The following CDH12 variants were observed in gnomAD, a reference collection of about 807,000 sequenced individuals.
CDH12 encodes cadherin 12, also known as cadherin-12.
In CDH12, 41 loss-of-function variants were observed where a neutral mutation model predicts 74.1. That is an observed-to-expected ratio of 0.55 (90% CI 0.43 to 0.72). CDH12 has a LOEUF of 0.72. Ranked by LOEUF, CDH12 falls within the 30% of genes least tolerant of loss-of-function variation. The probability of loss-of-function intolerance (pLI) is 0.00; values close to 1 mark genes in which losing one functional copy is unlikely to be tolerated. For synonymous variants in CDH12, 399 were observed against 355.0 expected (o/e 1.12, Z -1.39); for missense variants, 945 against 977.2 (o/e 0.97, Z 0.44).
At chr5:22,093,139 C>A (rs1561101835) in intron 4 of CDH12, among the ~76,000 whole-genome samples, 1 of 152,088 alleles carries the variant, frequency 6.6e-6, no homozygotes. Context: ...TCAGAGAGAT[C>A]CAAAGGGCTG....
chr5:22,650,804 G>T (rs1237494177), intron 1 of CDH12, among the ~76,000 whole-genome samples: 1 of 151,918 alleles, frequency 6.6e-6, no homozygotes, highest in Non-Finnish European at 1.5e-5. Context: ...GAAGGGAAAT[G>T]GCAGGCTCTT....
chr5:22,606,617 C>A (rs1043440257), intron 1 of CDH12, among the ~76,000 whole-genome samples: 5 of 152,172 alleles, frequency 3.3e-5, no homozygotes, highest in Admixed American at 6.5e-5. Context: ...TTTCATGAGG[C>A]CTCCCCAGCC....
chr5:22,669,523 G>T (rs1309441098), intron 1 of CDH12, among the ~76,000 whole-genome samples: 2 of 152,258 alleles, frequency 1.3e-5, no homozygotes, highest in South Asian at 2.1e-4. Flanking sequence ...GGCTTTTCTT[G>T]CAACTAAAGG....
chr5:22,190,565 T>C (rs1342447226), intron 4 of CDH12, among the ~76,000 whole-genome samples: 1 of 152,166 alleles, frequency 6.6e-6, no homozygotes, highest in East Asian at 1.9e-4. Context: ...CCCCTCTCCC[T>C]TCTCTTGTCT....
chr5:22,796,514 C>CTTTT (rs70959756), intron 1 of CDH12, among the ~76,000 whole-genome samples: 11 of 59,738 alleles, frequency 1.8e-4, no homozygotes, highest in South Asian at 9.8e-4. Flanking sequence ...GATTTTTTAT[C>CTTTT]TTTTTTTTTT....
intron 1 of CDH12, among the ~76,000 whole-genome samples, chr5:22,673,353 A>G (rs1263774733): frequency 6.6e-6 from 1 of 152,126 alleles, no homozygotes; most frequent in East Asian, 1.9e-4. Context: ...AATATAAACT[A>G]TTTGCACTTA....
intron 2 of CDH12, among the ~76,000 whole-genome samples, chr5:22,478,531 A>G (rs1264667608): frequency 6.6e-6 from 1 of 152,112 alleles, no homozygotes; most frequent in Non-Finnish European, 1.5e-5. Flanking sequence ...CCATAACTAA[A>G]AGAGAAGTTC....
chr5:22,307,491 T>C (rs1219768401), intron 3 of CDH12, among the ~76,000 whole-genome samples: 1 of 152,142 alleles, frequency 6.6e-6, no homozygotes, highest in Non-Finnish European at 1.5e-5. Context: ...TTCAACTATT[T>C]CTTCTTTGAT....
At chr5:22,488,273 T>G (rs1470627301) in intron 2 of CDH12, among the ~76,000 whole-genome samples, 2 of 152,204 alleles carry the variant, frequency 1.3e-5, no homozygotes, top group Non-Finnish European at 2.9e-5. Flanking sequence ...AAACCATATA[T>G]AGATGGCCAT....
intron 3 of CDH12, among the ~76,000 whole-genome samples, chr5:22,311,908 A>G (rs1299976228): frequency 6.6e-6 from 1 of 152,094 alleles, no homozygotes; most frequent in African/African-American, 2.4e-5. Flanking sequence ...ACATGTTTAC[A>G]TTTTTAAATT....
intron 1 of CDH12, among the ~76,000 whole-genome samples, chr5:22,551,131 G>A (rs1034727810): frequency 3.9e-5 from 6 of 152,038 alleles, no homozygotes; most frequent in African/African-American, 9.7e-5. Context: ...TCATAAGGGC[G>A]GGACCTAATC....
chr5:22,458,171 C>T (rs566942905), intron 2 of CDH12, among the ~76,000 whole-genome samples: 55 of 152,288 alleles, frequency 3.6e-4, no homozygotes, highest in Middle Eastern at 3.4e-3. Context: ...TAAGCCACCA[C>T]GCCGGGGCTC....
chr5:22,630,248 A>G (rs1183081684), intron 1 of CDH12, among the ~76,000 whole-genome samples: 1 of 152,120 alleles, frequency 6.6e-6, no homozygotes, highest in Non-Finnish European at 1.5e-5. Context: ...ACAGAATTAG[A>G]AAAAAAGAAA....
intron 6 of CDH12, among the ~76,000 whole-genome samples, chr5:21,937,910 G>T (rs537821660): frequency 6.6e-6 from 1 of 152,262 alleles, no homozygotes; most frequent in South Asian, 2.1e-4. Flanking sequence ...AGGAGGAGGA[G>T]TCTTGAAGAC....
At chr5:22,680,427 CTCTTT>C (rs1187251219) in intron 1 of CDH12, among the ~76,000 whole-genome samples, 4 of 151,892 alleles carry the variant, frequency 2.6e-5, no homozygotes, top group Non-Finnish European at 4.4e-5. Context: ...ATTGTATCTT[CTCTTT>C]TGATTTTTAC....
At chr5:22,749,607 G>A (rs1264536918) in intron 1 of CDH12, among the ~76,000 whole-genome samples, 1 of 152,138 alleles carries the variant, frequency 6.6e-6, no homozygotes, top group East Asian at 1.9e-4. Flanking sequence ...TAGAATACAT[G>A]TAGTACCCCA....
chr5:22,288,893 A>G (rs957728033), intron 3 of CDH12, among the ~76,000 whole-genome samples: 1 of 152,182 alleles, frequency 6.6e-6, no homozygotes, highest in African/African-American at 2.4e-5. Context: ...AATAGTGTTA[A>G]TACTGAGGAA....
rs570116883 is a variant in CDH12, at chr5:22,625,996, C to G, written c.-522-120632G>C. ...ATGGCATGTGTGCACCCTGCTCCCCCACTGTACTGGCAGTGTCAGTGCATG... is the reference window on the plus strand; with the variant it reads ...ATGGCATGTGTGCACCCTGCTCCCCGACTGTACTGGCAGTGTCAGTGCATG... On this transcript the variant is annotated intron_variant, in intron 1 of 14. Coordinates refer to ENST00000382254, the MANE Select transcript of CDH12 (RefSeq NM_004061.5). Among the ~76,000 whole-genome samples, 3 of 152,270 alleles carry G rather than the reference C, an allele frequency of 2.0e-5. No homozygotes were observed. In the East Asian group the frequency reaches 5.8e-4, roughly 30 times the overall value.
chr5:22,679,914 G>A (rs1462897226), intron 1 of CDH12, among the ~76,000 whole-genome samples: 1 of 152,072 alleles, frequency 6.6e-6, no homozygotes, highest in African/African-American at 2.4e-5. Flanking sequence ...CTATGTAGAG[G>A]TCTGATATAA....
Sources: gnomAD v4.1 joint callset for allele counts (sites outside exome capture counted in the v4.1 genomes callset) on GRCh38, gnomAD v4.1.1 for gene constraint, MANE v1.5 for transcripts, NCBI Gene and HGNC (gene_info 2026-07-23, HGNC 2026-07-21) for gene names.